ETS1: variants seen among roughly 807,000 people sequenced by gnomAD.
ETS1 encodes protein C-ets-1.
In ETS1, 15 loss-of-function variants were observed where a neutral mutation model predicts 58.6. The observed-to-expected ratio is 0.26, with a 90% CI of 0.17 to 0.39. The LOEUF (loss-of-function observed/expected upper bound fraction) is 0.39. ETS1 is among the 10% of genes least tolerant of loss of function. ETS1 has a pLI of 1.00. For missense variants in ETS1, 417 were observed against 610.5 expected, an observed-to-expected ratio of 0.68 and a Z score of 3.34; for synonymous variants, 214 against 218.2, an observed-to-expected ratio of 0.98 and a Z score of 0.17.
chr11:128,583,997 T>C (rs1284825036), intron 1 of ETS1, among the ~76,000 whole-genome samples: 1 of 152,262 alleles, frequency 6.6e-6, no homozygotes, highest in Non-Finnish European at 1.5e-5. Flanking sequence ...AATTATATTG[T>C]CTTTCATTTT....
At chr11:128,498,561 G>C (rs1450344683) in intron 3 of ETS1, among the ~76,000 whole-genome samples, 2 of 152,158 alleles carry the variant, frequency 1.3e-5, no homozygotes, top group Non-Finnish European at 2.9e-5. Context: ...GATGCCTTTT[G>C]GTTGCAAAAA....
intron 2 of ETS1, among the ~76,000 whole-genome samples, chr11:128,572,517 T>C (rs1864657552): frequency 6.6e-6 from 1 of 152,212 alleles, no homozygotes; most frequent in Non-Finnish European, 1.5e-5. Flanking sequence ...AGCATATAGC[T>C]TGGGCAAGGA....
intron 3 of ETS1, among the ~76,000 whole-genome samples, chr11:128,532,138 A>G (rs1413783806): frequency 6.6e-6 from 1 of 152,158 alleles, no homozygotes; most frequent in Non-Finnish European, 1.5e-5. Context: ...TGTGCCATAC[A>G]CATACATTTT....
intron 1 of ETS1, among the ~76,000 whole-genome samples, chr11:128,579,038 C>A (rs1864809532): frequency 6.6e-6 from 1 of 152,102 alleles, no homozygotes; most frequent in South Asian, 2.1e-4. Flanking sequence ...AATAGACCAG[C>A]CAAAATTAGA....
chr11:128,523,934 C>A (rs1444004874), intron 3 of ETS1, among the ~76,000 whole-genome samples: 2 of 151,568 alleles, frequency 1.3e-5, no homozygotes, highest in Non-Finnish European at 2.9e-5. Context: ...AAAAAAGGTT[C>A]TTGAATCAAT....
intron 7 of ETS1, among the ~76,000 whole-genome samples, chr11:128,481,035 A>G (rs193104586): frequency 2.0e-5 from 3 of 152,376 alleles, no homozygotes; most frequent in Admixed American, 2.0e-4. Flanking sequence ...CTATTTTAAT[A>G]TGAAATACAT....
At chr11:128,545,104 C>A (rs578235431) in intron 3 of ETS1, among the ~76,000 whole-genome samples, 30 of 152,194 alleles carry the variant, frequency 2.0e-4, no homozygotes, top group African/African-American at 6.7e-4. Context: ...TAACTGAATG[C>A]CCAACAAAGG....
intron 8 of ETS1, among the ~76,000 whole-genome samples, chr11:128,466,292 C>G (rs927804120): frequency 6.6e-6 from 1 of 152,182 alleles, no homozygotes; most frequent in African/African-American, 2.4e-5. Context: ...CTTTGGGGCA[C>G]GGGGTCTCAT....
At chr11:128,531,977 C>G (rs1018500511) in intron 3 of ETS1, among the ~76,000 whole-genome samples, 2 of 152,152 alleles carry the variant, frequency 1.3e-5, no homozygotes, top group African/African-American at 4.8e-5. Flanking sequence ...ACATTTTCCT[C>G]GGCTGTCTCT....
intron 8 of ETS1, among the ~76,000 whole-genome samples, chr11:128,473,816 G>A (rs889981039): frequency 1.3e-5 from 2 of 152,220 alleles, no homozygotes; most frequent in Non-Finnish European, 2.9e-5. Context: ...AGAAAGAAGT[G>A]CCAAGGGGGC....
chr11:128,557,022 A>G (rs187282805), intron 2 of ETS1, among the ~76,000 whole-genome samples: 1 of 152,320 alleles, frequency 6.6e-6, no homozygotes, highest in Non-Finnish European at 1.5e-5. Flanking sequence ...ACTCCATAAA[A>G]TATACAATCC....
intron 8 of ETS1, among the ~76,000 whole-genome samples, chr11:128,467,647 C>T (rs964235928): frequency 1.3e-5 from 2 of 152,110 alleles, no homozygotes; most frequent in African/African-American, 4.8e-5. Context: ...CTAATAATAG[C>T]GCCAGTCATG....
At chr11:128,524,423 A>G (rs1002622266) in intron 3 of ETS1, among the ~76,000 whole-genome samples, 2 of 152,206 alleles carry the variant, frequency 1.3e-5, no homozygotes, top group Non-Finnish European at 2.9e-5. Flanking sequence ...CAGGAAAGTT[A>G]CCTCCAGATG....
intron 2 of ETS1, among the ~76,000 whole-genome samples, chr11:128,565,006 A>G (rs570174458): frequency 1.4e-5 from 2 of 140,230 alleles, no homozygotes; most frequent in African/African-American, 5.5e-5. Flanking sequence ...ATACATTATA[A>G]GTTCTTACAT....
intron 2 of ETS1, among the ~76,000 whole-genome samples, chr11:128,570,887 T>C (rs1411330996): frequency 6.6e-6 from 1 of 152,202 alleles, no homozygotes; most frequent in African/African-American, 2.4e-5. Context: ...GGACTTGTCG[T>C]GTAGTGGAGT....
chr11:128,567,641 T>C (rs1216864703), intron 2 of ETS1, among the ~76,000 whole-genome samples: 1 of 151,674 alleles, frequency 6.6e-6, no homozygotes, highest in African/African-American at 2.4e-5. Context: ...TTTGTTTTTG[T>C]TTTTGTTTTG....
Position 128,463,870 on chromosome 11 carries a change from C to G in ETS1, c.1124-243G>C. On this transcript the variant is annotated intron_variant, in intron 8 of 9. Coordinates refer to ENST00000392668, the MANE Select transcript of ETS1 (RefSeq NM_001143820.2). The surrounding 1 kb of genome is among the most constrained non-coding windows in gnomAD (Gnocchi z 4.1). ...GTGTCAAGTGCTTTATTTTGATTAA[C>G]TTAAGGATCGGTTCATTTTTATTGC... 1 of 292,218 alleles carries G rather than the reference C, an allele frequency of 3.4e-6. No homozygotes were observed. 18.1% of individuals were successfully genotyped at this position (292,218 alleles called of 1,614,324 possible). A position where few individuals can be genotyped will look rare whatever the true frequency, so the allele number is the denominator to read the frequency against.
In ETS1 at chr11:128,571,518, A is replaced by C. The variant is rs1864633044; in HGVS notation, c.69+1544T>G. On this transcript the variant is annotated intron_variant, in intron 2 of 9. Transcript: ENST00000392668. ...GACTCCGTCAAAAAAAAAAAAAAAA[A>C]AAAAAAAAAAAAAAAAAAAAAAAAA... Among the ~76,000 whole-genome samples, 16 of 44,524 alleles carry C rather than the reference A, an allele frequency of 3.6e-4. 1 individual carries two copies. Among genetic ancestry groups the C allele is most frequent in the African/African-American group, 1.4e-3 (14 of 9,768 alleles). The allele number at this position is 44,524 out of a possible 152,430, so 29.2% of individuals were successfully genotyped here.
chr11:128,576,877 C>T (rs1243371779), intron 1 of ETS1, among the ~76,000 whole-genome samples: 1 of 152,176 alleles, frequency 6.6e-6, no homozygotes, highest in Non-Finnish European at 1.5e-5. Flanking sequence ...GGGTTTTAGG[C>T]TCAGCTCAGA....
Sources: allele counts gnomAD v4.1 joint callset (sites outside exome capture counted in the v4.1 genomes callset), GRCh38; gene constraint gnomAD v4.1.1; non-coding constraint Gnocchi (gnomAD v3.1); transcripts MANE v1.5; gene names NCBI Gene and HGNC (gene_info 2026-07-23, HGNC 2026-07-21).